Variants in TRAPPC9 observed in about 807,000 individuals in gnomAD.
TRAPPC9 encodes the protein IKK2 binding protein.
TRAPPC9 carries 83 observed loss-of-function variants against 124.0 expected under a neutral mutation model. That is an observed-to-expected ratio of 0.67 (90% CI 0.56 to 0.80). The LOEUF (loss-of-function observed/expected upper bound fraction) is 0.80, where lower values mean the gene tolerates loss of function less well. Ranked by LOEUF, TRAPPC9 falls within the 30% of genes least tolerant of loss-of-function variation. The probability of loss-of-function intolerance (pLI) is 0.00; values close to 1 mark genes in which losing one functional copy is unlikely to be tolerated. For missense variants in TRAPPC9, 1,302 were observed against 1,508.3 expected, an observed-to-expected ratio of 0.86 and a Z score of 2.27; for synonymous variants, 638 against 617.5, an observed-to-expected ratio of 1.03 and a Z score of -0.49.
At chr8:139,823,236 T>C (rs1439732958) in intron 21 of TRAPPC9, among the ~76,000 whole-genome samples, 1 of 152,006 alleles carries the variant, frequency 6.6e-6, no homozygotes, top group Non-Finnish European at 1.5e-5. Context: ...GGAGCTTTGA[T>C]TGTCACAGGA....
chr8:140,253,480 C>A (rs2064175855), intron 15 of TRAPPC9, among the ~76,000 whole-genome samples: 1 of 152,068 alleles, frequency 6.6e-6, no homozygotes, highest in Non-Finnish European at 1.5e-5. Context: ...GAGTTCCAGT[C>A]CAGCCTGGAC....
intron 17 of TRAPPC9, among the ~76,000 whole-genome samples, chr8:140,156,981 C>CT (rs1468161872): frequency 0.088 from 3,422 of 38,888 alleles, 320 homozygotes; most frequent in East Asian, 0.21. Flanking sequence ...AAAAGCCTCC[C>CT]TTTCCATTCA....
chr8:140,365,947 A>C (rs1246306520), intron 8 of TRAPPC9, among the ~76,000 whole-genome samples: 1 of 152,194 alleles, frequency 6.6e-6, no homozygotes, highest in Middle Eastern at 3.4e-3. Context: ...AAAAGGCCCC[A>C]GTGTATGTTA....
intron 21 of TRAPPC9, among the ~76,000 whole-genome samples, chr8:139,735,910 T>C (rs115380845): frequency 0.012 from 1,862 of 152,174 alleles, 31 homozygotes; most frequent in African/African-American, 0.041. Flanking sequence ...TGTGTGGCAC[T>C]TAGGTGTGAG....
intron 20 of TRAPPC9, among the ~76,000 whole-genome samples, chr8:139,891,983 C>A (rs1830380630): frequency 6.6e-6 from 1 of 152,250 alleles, no homozygotes; most frequent in African/African-American, 2.4e-5. Context: ...TCAGCCACTG[C>A]CAAAGGCCTC....
chr8:140,121,728 T>C (rs1163540431), intron 17 of TRAPPC9, among the ~76,000 whole-genome samples: 1 of 152,250 alleles, frequency 6.6e-6, no homozygotes, highest in East Asian at 1.9e-4. Context: ...TGGCTTCCAC[T>C]TCACCATCAC....
Position 140,104,706 on chromosome 8 carries a change from A to T in TRAPPC9, c.2557-80627T>A, listed in dbSNP as rs991885827. On this transcript the variant is annotated intron_variant, in intron 17 of 22. Transcript: ENST00000438773. The surrounding 1 kb of genome is among the most constrained non-coding windows in gnomAD (Gnocchi z 4.0). ...ACCCTCCTGGGGGTGCCATTCCCCC[A>T]GCCCAGGCACCAGGCCCGGACCAGC... 3.3e-5 allele frequency among the ~76,000 whole-genome samples: 5 copies of T among 152,194 alleles called. No homozygotes were observed. The highest frequency in any genetic ancestry group is 1.2e-4 in the African/African-American group (5 of 41,458).
rs763662550 is a variant in TRAPPC9, at chr8:140,439,110, C to T, written c.672G>A (p.Val224=). The change falls in exon 3 of 23, where the codon GTG becomes GTA. Residue 224 remains valine, a synonymous_variant. Coordinates refer to ENST00000438773, the MANE Select transcript of TRAPPC9 (RefSeq NM_001160372.4). ...GCAGCTCCACCGACATGTGGTAATGCACCAGGGAGTCCTGCAGCATCCCTG... is the reference window on the plus strand; with the variant it reads ...GCAGCTCCACCGACATGTGGTAATGTACCAGGGAGTCCTGCAGCATCCCTG... ...LQAGMLQDSL[V]HYHMSVELLR... is the part of the protein sequence containing the mutation. 1 of 1,614,222 alleles carries T rather than the reference C, an allele frequency of 6.2e-7. No homozygotes were observed. Among genetic ancestry groups the T allele is most frequent in the South Asian group, 1.1e-5 (1 of 91,088 alleles).
At chr8:139,852,408 G>A (rs559617284) in intron 21 of TRAPPC9, among the ~76,000 whole-genome samples, 92 of 152,224 alleles carry the variant, frequency 6.0e-4, no homozygotes, top group Non-Finnish European at 1.1e-3. Context: ...ATGGGTTGAT[G>A]CCCGCCTTCC....
At chr8:139,737,466 T>TCCCCCA (rs1818262952) in intron 21 of TRAPPC9, among the ~76,000 whole-genome samples, 1 of 41,368 alleles carries the variant, frequency 2.4e-5, no homozygotes, top group Non-Finnish European at 5.2e-5. Flanking sequence ...TCATCAGCCC[T>TCCCCCA]CCCCCCCCCC....
chr8:139,845,889 T>C (rs1174114989), intron 21 of TRAPPC9, among the ~76,000 whole-genome samples: 1 of 152,174 alleles, frequency 6.6e-6, no homozygotes, highest in African/African-American at 2.4e-5. Flanking sequence ...GTCAAAGGGT[T>C]TCCAGGCTGG....
At chr8:140,007,355 C>A (rs1323913427) in intron 18 of TRAPPC9, among the ~76,000 whole-genome samples, 1 of 152,092 alleles carries the variant, frequency 6.6e-6, no homozygotes, top group African/African-American at 2.4e-5. Flanking sequence ...ATTTGTAAGG[C>A]CTCAAAATAC....
rs2064147047 is a variant in TRAPPC9, at chr8:140,252,198, G to A, written c.2431+579C>T. On this transcript the variant is annotated intron_variant, in intron 16 of 22. Transcript: ENST00000438773. This position sits in a 1 kb window ranked among gnomAD's most constrained non-coding sequence, Gnocchi z 4.2. ...GCGCCACCATGCCCGACGAATTTTT[G>A]TATTGTTAATAGAGACAGGATTTCA... Among the ~76,000 whole-genome samples the A allele has an allele frequency of 6.6e-6, 1 of 151,986 alleles. No individual in the cohort carries two copies.
chr8:140,230,386 A>G (rs4286928), intron 16 of TRAPPC9, among the ~76,000 whole-genome samples: 97,853 of 151,356 alleles, frequency 0.65, 32,204 homozygotes, highest in Admixed American at 0.72. Flanking sequence ...AGGCAGGTGG[A>G]TCGCCTGAGG....
At chr8:140,213,387 C>T (rs974456196) in intron 17 of TRAPPC9, among the ~76,000 whole-genome samples, 3 of 151,832 alleles carry the variant, frequency 2.0e-5, no homozygotes, top group African/African-American at 7.3e-5. Flanking sequence ...TGTGTTATGC[C>T]AACTCTCTCA....
intron 21 of TRAPPC9, among the ~76,000 whole-genome samples, chr8:139,809,740 C>A (rs1824308677): frequency 6.6e-6 from 1 of 152,136 alleles, no homozygotes; most frequent in South Asian, 2.1e-4. Context: ...CCTCTCCCAG[C>A]CACAAGAGCC....
At chr8:140,009,756 G>A (rs1157472393) in intron 18 of TRAPPC9, among the ~76,000 whole-genome samples, 1 of 151,242 alleles carries the variant, frequency 6.6e-6, no homozygotes, top group East Asian at 1.9e-4. Context: ...CGTCCCCCCT[G>A]CTATGCTGAT....
chr8:139,731,321 G>A (rs1817807957), intron 22 of TRAPPC9, 93 bp from the exon 23 acceptor site: 2 of 1,496,812 alleles, frequency 1.3e-6, no homozygotes, highest in Non-Finnish European at 1.8e-6. Flanking sequence ...GGACATAGGT[G>A]TTATGGGGGA....
intron 17 of TRAPPC9, among the ~76,000 whole-genome samples, chr8:140,200,633 A>T (rs1364183192): frequency 1.3e-5 from 2 of 152,166 alleles, no homozygotes; most frequent in East Asian, 3.9e-4. Context: ...TCTACAAAAT[A>T]TCTGACCGGC....
Sources: allele counts gnomAD v4.1 joint callset (sites outside exome capture counted in the v4.1 genomes callset), GRCh38; gene constraint gnomAD v4.1.1; non-coding constraint Gnocchi (gnomAD v3.1); transcripts MANE v1.5; gene names NCBI Gene and HGNC (gene_info 2026-07-23, HGNC 2026-07-21).